HOMER1: variants seen among roughly 807,000 people sequenced by gnomAD.
HOMER1 encodes the protein homer protein homolog 1.
Under a neutral mutation model 48.9 loss-of-function variants are expected in HOMER1, and 3 were observed. That is an observed-to-expected ratio of 0.06 (90% CI 0.03 to 0.16). The LOEUF (loss-of-function observed/expected upper bound fraction) is 0.16. HOMER1 is among the 10% of genes least tolerant of loss of function. The pLI is 1.00. For missense variants in HOMER1, 247 were observed against 411.4 expected (o/e 0.60, Z 3.46); for synonymous variants, 134 against 146.4 (o/e 0.92, Z 0.61).
At chr5:79,510,589 G>A (rs527811256) in intron 1 of HOMER1, 1 of 815,072 alleles carries the variant, frequency 1.2e-6, no homozygotes, top group South Asian at 1.4e-5. Context: ...ACAACAAGAA[G>A]GGCCTAAAGA....
At chr5:79,432,792 G>A (rs911305356) in intron 5 of HOMER1, among the ~76,000 whole-genome samples, 2 of 152,092 alleles carry the variant, frequency 1.3e-5, no homozygotes, top group Non-Finnish European at 2.9e-5. Flanking sequence ...CAATGTACAT[G>A]ACCAAATTAC....
chr5:79,495,036 T>G (rs1484427446), intron 1 of HOMER1, among the ~76,000 whole-genome samples: 1 of 152,224 alleles, frequency 6.6e-6, no homozygotes, highest in African/African-American at 2.4e-5. Flanking sequence ...ATTTCTATTT[T>G]TATATGTTTT....
intron 8 of HOMER1, among the ~76,000 whole-genome samples, chr5:79,385,575 C>T (rs915863660): frequency 1.3e-5 from 2 of 152,086 alleles, no homozygotes; most frequent in African/African-American, 4.8e-5. Flanking sequence ...GGTGCGATGG[C>T]TCATGCCTAT....
At chr5:79,394,346 G>C (rs1287117141) in intron 8 of HOMER1, among the ~76,000 whole-genome samples, 1 of 152,142 alleles carries the variant, frequency 6.6e-6, no homozygotes, top group Non-Finnish European at 1.5e-5. Flanking sequence ...CTGTGGGAGG[G>C]AGAAGGCTGC....
intron 5 of HOMER1, among the ~76,000 whole-genome samples, chr5:79,412,832 T>A (rs781190494): frequency 1.3e-5 from 2 of 152,188 alleles, no homozygotes; most frequent in African/African-American, 2.4e-5. Flanking sequence ...ATGACACAGA[T>A]GTTGGAATTA....
At chr5:79,500,786 A>T (rs1752553989) in intron 1 of HOMER1, among the ~76,000 whole-genome samples, 1 of 151,648 alleles carries the variant, frequency 6.6e-6, no homozygotes, top group South Asian at 2.1e-4. Context: ...TACCACACAC[A>T]GCTAATTTTT....
chr5:79,389,132 C>T (rs952542078), intron 8 of HOMER1, among the ~76,000 whole-genome samples: 1 of 152,038 alleles, frequency 6.6e-6, no homozygotes, highest in African/African-American at 2.4e-5. Flanking sequence ...AGACTGGAAT[C>T]AGATTTCTCA....
Position 79,386,821 on chromosome 5 carries a change from A to G in HOMER1, c.876+10002T>C, listed in dbSNP as rs1250877176. ...TGGGCAGGAGGTTATGCTATTTGTT[A>G]AAGAGCCTAAAATACTACAATGATT... On this transcript the variant is annotated intron_variant, in intron 8 of 8. Coordinates refer to ENST00000334082, the MANE Select transcript of HOMER1 (RefSeq NM_004272.5). Among the ~76,000 whole-genome samples the G allele has an allele frequency of 3.9e-5, 6 of 152,204 alleles. No homozygotes were observed. In the South Asian group the frequency reaches 1.0e-3, roughly 26 times the overall value.
intron 2 of HOMER1, among the ~76,000 whole-genome samples, chr5:79,451,741 T>TA (rs1751034937): frequency 6.6e-6 from 1 of 151,814 alleles, no homozygotes; most frequent in Non-Finnish European, 1.5e-5. Flanking sequence ...AACTTTTTTG[T>TA]ATTTTTTTTA....
intron 5 of HOMER1, among the ~76,000 whole-genome samples, chr5:79,432,683 A>G (rs961298939): frequency 1.3e-5 from 2 of 152,202 alleles, no homozygotes; most frequent in African/African-American, 4.8e-5. Context: ...AAATGTATCT[A>G]TTCAGAAAGC....
At chr5:79,459,352 A>G (rs1751254479) in intron 1 of HOMER1, among the ~76,000 whole-genome samples, 1 of 152,216 alleles carries the variant, frequency 6.6e-6, no homozygotes, top group South Asian at 2.1e-4. Flanking sequence ...TAATTAATCC[A>G]CACAATTTAA....
rs1748689906 is a variant in HOMER1, at chr5:79,373,694, T to A, written c.*2315A>T. On this transcript the variant is annotated 3_prime_UTR_variant, in exon 9 of 9. Coordinates refer to ENST00000334082, the MANE Select transcript of HOMER1 (RefSeq NM_004272.5). ...TCCACCTTATCCCATATACTGTACA[T>A]GTCTATTGACAATCTGGGAATTTAA... 6.6e-6 allele frequency: 1 copy of A among 152,024 alleles called. No homozygotes were observed. The highest frequency in any genetic ancestry group is 6.6e-5 in the Admixed American group (1 of 15,262). 9.4% of individuals were successfully genotyped at this position (152,024 alleles called of 1,614,324 possible). A position where few individuals can be genotyped will look rare whatever the true frequency, so the allele number is the denominator to read the frequency against.
intron 8 of HOMER1, among the ~76,000 whole-genome samples, chr5:79,386,000 C>T (rs1249753303): frequency 6.6e-6 from 1 of 151,876 alleles, no homozygotes; most frequent in African/African-American, 2.4e-5. Context: ...GAAAAGGGCA[C>T]TCTTTTACAC....
chr5:79,379,912 G>A (rs1231882650), intron 8 of HOMER1, among the ~76,000 whole-genome samples: 1 of 152,148 alleles, frequency 6.6e-6, no homozygotes, highest in Non-Finnish European at 1.5e-5. Context: ...ACTCCCTCCT[G>A]AGTGCTTTAA....
intron 1 of HOMER1, among the ~76,000 whole-genome samples, chr5:79,509,143 T>C (rs1447819871): frequency 6.6e-6 from 1 of 152,218 alleles, no homozygotes; most frequent in African/African-American, 2.4e-5. Flanking sequence ...AGACTCAGTT[T>C]GGGCTGCAAT....
chr5:79,379,483 TA>T (rs995011335), intron 8 of HOMER1, among the ~76,000 whole-genome samples: 151 of 128,994 alleles, frequency 1.2e-3, no homozygotes, highest in Non-Finnish European at 1.8e-3. Flanking sequence ...TATAAATATA[TA>T]AATATATAAA....
At chr5:79,423,114 G>GT (rs1203621890) in intron 5 of HOMER1, among the ~76,000 whole-genome samples, 1 of 152,076 alleles carries the variant, frequency 6.6e-6, no homozygotes, top group African/African-American at 2.4e-5. Context: ...AAGTATAGCA[G>GT]TATGTAAAAG....
chr5:79,476,194 A>G (rs551115804), intron 1 of HOMER1, among the ~76,000 whole-genome samples: 26 of 152,262 alleles, frequency 1.7e-4, no homozygotes, highest in East Asian at 7.7e-4. Flanking sequence ...ATCTCTTCCA[A>G]TTGAAATGAT....
chr5:79,451,162 G>A, intron 2 of HOMER1, 41 bp from the exon 3 acceptor site: 1 of 1,598,890 alleles, frequency 6.3e-7, no homozygotes, highest in Non-Finnish European at 8.6e-7. Context: ...CAAAAAATCA[G>A]CAAACAGGCA....
Sources: allele counts gnomAD v4.1 joint callset (sites outside exome capture counted in the v4.1 genomes callset), GRCh38; gene constraint gnomAD v4.1.1; transcripts MANE v1.5; gene names NCBI Gene and HGNC (gene_info 2026-07-23, HGNC 2026-07-21).